NHS: variants seen among roughly 807,000 people sequenced by gnomAD.
NHS encodes the protein NHS actin remodeling regulator.
In NHS, 5 loss-of-function variants were observed where a neutral mutation model predicts 72.5. That is an observed-to-expected ratio of 0.07 (90% confidence interval 0.04 to 0.14). NHS has a LOEUF of 0.14. Ranked by LOEUF, NHS falls within the 10% of genes least tolerant of loss-of-function variation. NHS has a pLI of 1.00. For synonymous variants in NHS, 464 were observed against 547.7 expected (o/e 0.85, Z 2.13); for missense variants, 1,072 against 1,355.7 (o/e 0.79, Z 3.29).
chrX:17,540,537 G>A (rs1461366050), intron 1 of NHS, among the ~76,000 whole-genome samples: 1 of 112,053 alleles, frequency 8.9e-6, no homozygotes, highest in Non-Finnish European at 1.9e-5. Flanking sequence ...GTCAGGTTGA[G>A]GGAGAGAAAA....
chrX:17,456,233 C>T (rs974583203), intron 1 of NHS, among the ~76,000 whole-genome samples: 4 of 112,008 alleles, frequency 3.6e-5, no homozygotes, highest in African/African-American at 1.3e-4. Context: ...AAAATCTAGG[C>T]TTCTGGCCCC....
chrX:17,707,630 G>T (rs184279420), intron 3 of NHS, among the ~76,000 whole-genome samples: 1 of 110,960 alleles, frequency 9.0e-6, no homozygotes, highest in East Asian at 2.9e-4. Context: ...CTATCAGGAA[G>T]AAAAAAACGG....
At chrX:17,398,716 A>G (rs1333416772) in intron 1 of NHS, among the ~76,000 whole-genome samples, 1 of 111,655 alleles carries the variant, frequency 9.0e-6, no homozygotes, top group Non-Finnish European at 1.9e-5. Flanking sequence ...TGGCCAGAGT[A>G]ATTGGGTTAC....
chrX:17,701,650 C>A (rs1394591950), intron 3 of NHS, among the ~76,000 whole-genome samples: 1 of 111,169 alleles, frequency 9.0e-6, no homozygotes, highest in African/African-American at 3.3e-5. Context: ...TACCTGAAAC[C>A]GGAGGGAAGG....
At chrX:17,619,359 G>A (rs1178652899) in intron 1 of NHS, among the ~76,000 whole-genome samples, 3 of 112,183 alleles carry the variant, frequency 2.7e-5, no homozygotes, top group Non-Finnish European at 5.6e-5. Flanking sequence ...ACAGAAGCAG[G>A]AAACTGACCT....
intron 1 of NHS, among the ~76,000 whole-genome samples, chrX:17,462,051 A>G (rs2064849952): frequency 9.0e-6 from 1 of 111,242 alleles, no homozygotes; most frequent in Admixed American, 9.7e-5. Flanking sequence ...GAAGAAATAG[A>G]TTCTACATCA....
intron 1 of NHS, among the ~76,000 whole-genome samples, chrX:17,655,388 A>G (rs888329167): frequency 7.1e-5 from 8 of 111,910 alleles, no homozygotes; most frequent in Admixed American, 5.6e-4. Flanking sequence ...AAGGAAACAC[A>G]GAGGTACAAG....
intron 1 of NHS, among the ~76,000 whole-genome samples, chrX:17,643,301 T>G (rs2065890857): frequency 9.0e-6 from 1 of 111,464 alleles, no homozygotes; most frequent in African/African-American, 3.3e-5. Flanking sequence ...TCTTTCTTTT[T>G]TTTTCCCAGT....
intron 1 of NHS, among the ~76,000 whole-genome samples, chrX:17,466,937 C>T (rs2064873183): frequency 8.9e-6 from 1 of 111,888 alleles, no homozygotes; most frequent in Admixed American, 9.5e-5. Context: ...TGGATGTCCA[C>T]GTGAGCCTGC....
intron 1 of NHS, among the ~76,000 whole-genome samples, chrX:17,435,965 T>C (rs1397543670): frequency 1.8e-5 from 2 of 111,850 alleles, no homozygotes; most frequent in Admixed American, 1.9e-4. Context: ...TGCTCATGTG[T>C]TTGGAATCCC....
intron 1 of NHS, among the ~76,000 whole-genome samples, chrX:17,544,532 G>C (rs1410306700): frequency 1.8e-5 from 2 of 111,298 alleles, no homozygotes; most frequent in Non-Finnish European, 3.8e-5. Flanking sequence ...TTTTATTTGA[G>C]ATAGAGTCTC....
At chrX:17,476,435 A>T (rs1207631905) in intron 1 of NHS, among the ~76,000 whole-genome samples, 1 of 111,589 alleles carries the variant, frequency 9.0e-6, no homozygotes, top group Non-Finnish European at 1.9e-5. Context: ...TCTTGTGTTG[A>T]GCTTAACACG....
Position 17,685,382 on chromosome X carries a change from C to T in NHS, c.566-2360C>T, listed in dbSNP as rs750823137. ...TTTTGGAAAGAAAAAGGTGATGATC[C>T]CTGGCCCTGCAGGTTGTCATTGTGA... is the stretch of plus-strand genomic sequence containing the variant. On this transcript the variant is annotated intron_variant, in intron 1 of 8. Coordinates refer to ENST00000676302, the MANE Select transcript of NHS (RefSeq NM_001291867.2). 2.7e-5 allele frequency among the ~76,000 whole-genome samples: 3 copies of T among 111,363 alleles called. No individual in the cohort carries two copies. In the East Asian group the frequency reaches 8.5e-4, roughly 32 times the overall value.
chrX:17,478,958 G>C (rs2064933543), intron 1 of NHS, among the ~76,000 whole-genome samples: 1 of 111,216 alleles, frequency 9.0e-6, no homozygotes, highest in African/African-American at 3.3e-5. Flanking sequence ...CGAAGGTGCG[G>C]GTTTGTTACA....
chrX:17,577,981 T>TATTC (rs1470341149), intron 1 of NHS, among the ~76,000 whole-genome samples: 4 of 112,450 alleles, frequency 3.6e-5, no homozygotes, highest in Admixed American at 2.8e-4. Context: ...AACTTCCAGC[T>TATTC]ATTCATTCAT....
At chrX:17,498,989 CAT>C (rs1333809584) in intron 1 of NHS, among the ~76,000 whole-genome samples, 1 of 111,750 alleles carries the variant, frequency 8.9e-6, no homozygotes, top group Admixed American at 9.5e-5. Flanking sequence ...CAACCTTAAA[CAT>C]AATACAGTAA....
Position 17,635,583 on chromosome X carries a change from G to T in NHS, c.566-52159G>T, listed in dbSNP as rs2065842057. ...AATCCAAGCATGGCTCTGGCCTGCT[G>T]CATGCCCAAGAATGCAGGTATTTGG... is the stretch of plus-strand genomic sequence containing the variant. On this transcript the variant is annotated intron_variant, in intron 1 of 8. Transcript: ENST00000676302. 7 of 1,166,917 alleles carry T rather than the reference G, an allele frequency of 6.0e-6. No individual in the cohort carries two copies. In the South Asian group the frequency reaches 1.3e-4, roughly 22 times the overall value.
At chrX:17,427,326 A>T (rs1042612441) in intron 1 of NHS, among the ~76,000 whole-genome samples, 1 of 111,664 alleles carries the variant, frequency 9.0e-6, no homozygotes, top group Admixed American at 9.5e-5. Context: ...CTGCTTTGTG[A>T]TTTTGCTTAC....
chrX:17,536,843 T>G (rs2065227222), intron 1 of NHS, among the ~76,000 whole-genome samples: 1 of 112,240 alleles, frequency 8.9e-6, no homozygotes. Context: ...TGAGAATGTT[T>G]CTTTGCAAAG....
Sources: allele counts gnomAD v4.1 joint callset (sites outside exome capture counted in the v4.1 genomes callset), GRCh38; gene constraint gnomAD v4.1.1; transcripts MANE v1.5; gene names NCBI Gene and HGNC (gene_info 2026-07-23, HGNC 2026-07-21).